Variants in RIN3 observed in about 807,000 individuals in gnomAD.
RIN3 encodes the protein RAB5 interacting protein 3.
A neutral mutation model predicts 76.3 loss-of-function variants in RIN3; 54 were observed. That is an observed-to-expected ratio of 0.71 (90% CI 0.57 to 0.89). RIN3 has a LOEUF of 0.89. Among genes scored for constraint, RIN3 ranks in the 40% least tolerant of loss-of-function variants. The pLI, the probability that RIN3 is intolerant of heterozygous loss-of-function variation, is 0.00. For synonymous variants in RIN3, 576 were observed against 564.0 expected (o/e 1.02, Z -0.30); for missense variants, 1,256 against 1,322.1 (o/e 0.95, Z 0.78).
chr14:92,558,212 G>A (rs752748059), intron 2 of RIN3, among the ~76,000 whole-genome samples: 5 of 152,150 alleles, frequency 3.3e-5, no homozygotes, highest in Non-Finnish European at 7.3e-5. Context: ...AGCCAGGCAC[G>A]GAAGTGTGCA....
At chr14:92,592,261 G>A (rs906426976) in intron 3 of RIN3, among the ~76,000 whole-genome samples, 6 of 151,966 alleles carry the variant, frequency 3.9e-5, no homozygotes, top group African/African-American at 1.4e-4. Context: ...AAATTAGCTG[G>A]GCCTGGTGGT....
At chr14:92,561,399 G>A (rs1897774918) in intron 2 of RIN3, among the ~76,000 whole-genome samples, 1 of 151,544 alleles carries the variant, frequency 6.6e-6, no homozygotes, top group African/African-American at 2.4e-5. Context: ...TCTCTGATAA[G>A]GTTTTGGGAA....
In RIN3 at chr14:92,577,484, A is replaced by G. The variant is rs747871558; in HGVS notation, c.367+7A>G. On this transcript the variant is annotated splice_region_variant and intron_variant, in intron 3 of 9. Coordinates refer to ENST00000216487, the MANE Select transcript of RIN3 (RefSeq NM_024832.5). ...ATTAAGGAAGAAAAGTCGAGTAAGT[A>G]CCCATCTTCTCTGTTTTCACTTTGA... 1.3e-6 allele frequency: 2 copies of G among 1,579,214 alleles called. No individual in the cohort carries two copies. The highest frequency in any genetic ancestry group is 1.1e-5 in the South Asian group (1 of 90,132).
chr14:92,612,685 A>G (rs1885790927), intron 3 of RIN3, among the ~76,000 whole-genome samples: 1 of 152,206 alleles, frequency 6.6e-6, no homozygotes, highest in Non-Finnish European at 1.5e-5. Flanking sequence ...CATAGTCAGG[A>G]ATGGAAAGGT....
At chr14:92,661,406 T>C (rs1887875738) in intron 7 of RIN3, among the ~76,000 whole-genome samples, 2 of 152,102 alleles carry the variant, frequency 1.3e-5, no homozygotes. Context: ...GTAAACTGAT[T>C]TGTGTCCTGC....
At position 92,623,197 on chromosome 14, in the gene RIN3, G is replaced by A. The variant is rs1355643334; in HGVS notation, c.440+7718G>A. 2.6e-5 allele frequency among the ~76,000 whole-genome samples: 4 copies of A among 152,200 alleles called. No individual in the cohort carries two copies. The highest frequency in any genetic ancestry group is 5.9e-5 in the Non-Finnish European group (4 of 68,042). On this transcript the variant is annotated intron_variant, in intron 4 of 9. Transcript: ENST00000216487. The surrounding 1 kb of genome is among the most constrained non-coding windows in gnomAD (Gnocchi z 4.9). Reference sequence around the variant, plus strand: ...TTGTGGCTAATTCATCTGATAAGGAGGTAAGACCTTGTAAAGCTTTTGTAA... The same window carrying A: ...TTGTGGCTAATTCATCTGATAAGGAAGTAAGACCTTGTAAAGCTTTTGTAA...
chr14:92,620,072 G>A (rs549701067), intron 4 of RIN3, among the ~76,000 whole-genome samples: 90 of 152,216 alleles, frequency 5.9e-4, no homozygotes, highest in African/African-American at 2.1e-3. Flanking sequence ...TCACTTTTCC[G>A]ACAAAATATT....
At chr14:92,631,165 C>A (rs1886564926) in intron 4 of RIN3, among the ~76,000 whole-genome samples, 2 of 152,312 alleles carry the variant, frequency 1.3e-5, no homozygotes, top group South Asian at 4.1e-4. Context: ...TGGTCCTGAG[C>A]AAGCCTACCC....
chr14:92,515,396 C>A (rs1436472073), intron 1 of RIN3: 5 of 578,574 alleles, frequency 8.6e-6, no homozygotes, highest in South Asian at 2.1e-5. Context: ...TCATTTTCCC[C>A]AGAGATGACC....
chr14:92,585,737 C>G (rs2037987749), intron 3 of RIN3, among the ~76,000 whole-genome samples: 1 of 152,116 alleles, frequency 6.6e-6, no homozygotes, highest in Non-Finnish European at 1.5e-5. Flanking sequence ...CTCAAGCGAT[C>G]CTCCCCAAGT....
chr14:92,608,856 GT>G (rs991347676), intron 3 of RIN3, among the ~76,000 whole-genome samples: 1 of 152,086 alleles, frequency 6.6e-6, no homozygotes, highest in African/African-American at 2.4e-5. Context: ...GCATTTTTAA[GT>G]TGTTTATTAA....
In RIN3 at chr14:92,545,778, T is replaced by C. The variant is rs181713599; in HGVS notation, c.45-9973T>C. On this transcript the variant is annotated intron_variant, in intron 1 of 9. Coordinates refer to ENST00000216487, the MANE Select transcript of RIN3 (RefSeq NM_024832.5). ...TTTTTCTAAATGATTTGAGAGTAAG[T>C]TGCAGACATTTTATCTCTTTACCCC... Among the ~76,000 whole-genome samples, 304 of 152,070 alleles carry C rather than the reference T, an allele frequency of 2.0e-3. 3 individuals carry two copies. The highest frequency in any genetic ancestry group is 0.016 in the Admixed American group (247 of 15,270).
In RIN3 at chr14:92,641,403, C is replaced by T. The variant is rs373744845; in HGVS notation, c.532+74C>T. 134 of 1,151,740 alleles carry T rather than the reference C, an allele frequency of 1.2e-4. 1 individual carries two copies. In the African/African-American group the frequency reaches 1.4e-3, roughly 12 times the overall value. 71.3% of individuals were successfully genotyped at this position (1,151,740 alleles called of 1,614,324 possible). A position where few individuals can be genotyped will look rare whatever the true frequency, so the allele number is the denominator to read the frequency against. ...GGGGCCCTAGGACTGCCCCAGGGGCCGCCTGTGCAGAGGGACAGCCTGAGT... is the reference window on the plus strand; with the variant it reads ...GGGGCCCTAGGACTGCCCCAGGGGCTGCCTGTGCAGAGGGACAGCCTGAGT... On this transcript the variant is annotated intron_variant, in intron 5 of 9. Transcript: ENST00000216487.
At chr14:92,541,449 T>C (rs898412997) in intron 1 of RIN3, among the ~76,000 whole-genome samples, 5 of 152,210 alleles carry the variant, frequency 3.3e-5, no homozygotes, top group African/African-American at 1.2e-4. Flanking sequence ...GAAAGAAGGA[T>C]ACTCATTATA....
chr14:92,543,755 T>A (rs746889738), intron 1 of RIN3, among the ~76,000 whole-genome samples: 41 of 151,650 alleles, frequency 2.7e-4, no homozygotes, highest in East Asian at 5.8e-4. Flanking sequence ...GCTAATTTTT[T>A]AATTTTTAGT....
intron 3 of RIN3, among the ~76,000 whole-genome samples, chr14:92,598,885 CACTG>C (rs564861528): frequency 6.6e-6 from 1 of 152,184 alleles, no homozygotes; most frequent in Non-Finnish European, 1.5e-5. Flanking sequence ...CACCCCACAA[CACTG>C]ACTGGTGAGT....
chr14:92,676,589 C>CT lies in RIN3; in HGVS notation c.2450_2451insT (p.Leu818ProfsTer246). ...TACATGATGGAGCTCATGGACCCCG[C>CT]CCTGCAGCTGGGGGAGGGTGAGTCA... On this transcript the variant is annotated frameshift_variant, in exon 8 of 10. Transcript: ENST00000216487. LOFTEE classifies it high-confidence loss of function. 6.2e-7 allele frequency: 1 copy of CT among 1,613,702 alleles called. No homozygotes were observed.
intron 1 of RIN3, among the ~76,000 whole-genome samples, chr14:92,527,167 T>C (rs910858846): frequency 1.3e-5 from 2 of 151,612 alleles, no homozygotes; most frequent in African/African-American, 4.9e-5. Flanking sequence ...TCTCCTGCCT[T>C]AGCCTTCTGA....
chr14:92,597,513 C>T (rs938989626), intron 3 of RIN3, among the ~76,000 whole-genome samples: 2 of 152,154 alleles, frequency 1.3e-5, no homozygotes, highest in African/African-American at 4.8e-5. Context: ...AGATTTGAAA[C>T]CTGCTTTTTC....
Sources: gnomAD v4.1 joint callset for allele counts (sites outside exome capture counted in the v4.1 genomes callset) on GRCh38, gnomAD v4.1.1 for gene constraint, Gnocchi (gnomAD v3.1) non-coding constraint, MANE v1.5 for transcripts, NCBI Gene and HGNC (gene_info 2026-07-23, HGNC 2026-07-21) for gene names.